Variants in SRGAP2 observed in about 807,000 individuals in gnomAD.
The protein encoded by SRGAP2 is SLIT-ROBO Rho GTPase-activating protein 2.
SRGAP2 carries 15 observed loss-of-function variants against 57.2 expected under a neutral mutation model. The observed-to-expected ratio is 0.26, with a 90% CI of 0.18 to 0.40. The LOEUF is 0.40. Ranked by LOEUF, SRGAP2 falls within the 10% of genes least tolerant of loss-of-function variation. The pLI, the probability that SRGAP2 is intolerant of heterozygous loss-of-function variation, is 1.00. For missense variants in SRGAP2, 520 were observed against 669.6 expected, an observed-to-expected ratio of 0.78 and a Z score of 2.47; for synonymous variants, 249 against 248.0, an observed-to-expected ratio of 1.00 and a Z score of -0.04.
At chr1:206,392,962 G>C in intron 6 of SRGAP2, 58 bp downstream of exon 6, 1 of 717,170 alleles carries the variant, frequency 1.4e-6, no homozygotes, top group Non-Finnish European at 2.6e-6. Flanking sequence ...AGGCATGGCT[G>C]ATAGGAATTT....
At chr1:206,313,103 C>A (rs1672787553) in intron 3 of SRGAP2, among the ~76,000 whole-genome samples, 1 of 147,824 alleles carries the variant, frequency 6.8e-6, no homozygotes, top group Admixed American at 6.8e-5. Flanking sequence ...ACATTTCTGT[C>A]CTGCTGTGTT....
intron 14 of SRGAP2, among the ~76,000 whole-genome samples, chr1:206,433,373 T>C (rs1368623643): frequency 6.6e-6 from 1 of 152,186 alleles, no homozygotes; most frequent in Admixed American, 6.5e-5. Context: ...GCATGGTGGC[T>C]CATGCCTGTA....
chr1:206,324,784 A>G (rs1673747341), intron 3 of SRGAP2, among the ~76,000 whole-genome samples: 1 of 152,190 alleles, frequency 6.6e-6, no homozygotes, highest in East Asian at 1.9e-4. Flanking sequence ...AAATAAGAGG[A>G]AAACAATCAT....
At chr1:206,355,036 A>G (rs1312024977) in intron 4 of SRGAP2, among the ~76,000 whole-genome samples, 1 of 152,190 alleles carries the variant, frequency 6.6e-6, no homozygotes, top group Non-Finnish European at 1.5e-5. Flanking sequence ...TCTCCTTTAC[A>G]TTTCAATAAA....
intron 2 of SRGAP2, among the ~76,000 whole-genome samples, chr1:206,227,904 G>A (rs1437469385): frequency 6.6e-6 from 1 of 152,030 alleles, no homozygotes; most frequent in Non-Finnish European, 1.5e-5. Flanking sequence ...ATCACTAAAA[G>A]TTTTCACTTA....
At chr1:206,437,119 A>C (rs1166350149) in intron 15 of SRGAP2, 77 bp downstream of exon 15, 5 of 766,532 alleles carry the variant, frequency 6.5e-6, no homozygotes, top group African/African-American at 1.7e-5. Context: ...TTCTTCTCTA[A>C]GAGGTCCCCA....
chr1:206,370,494 C>T (rs1326335140), intron 4 of SRGAP2, among the ~76,000 whole-genome samples: 2 of 152,080 alleles, frequency 1.3e-5, no homozygotes, highest in Non-Finnish European at 2.9e-5. Flanking sequence ...AGAAGCTAAA[C>T]ATAAAAGGCC....
At chr1:206,253,706 C>G (rs1160948214) in intron 2 of SRGAP2, among the ~76,000 whole-genome samples, 5 of 150,776 alleles carry the variant, frequency 3.3e-5, no homozygotes, top group African/African-American at 1.2e-4. Flanking sequence ...CTTCAGCTCC[C>G]GAGTAGCTGG....
At chr1:206,422,490 T>C (rs1392589126) in intron 13 of SRGAP2, among the ~76,000 whole-genome samples, 1 of 152,242 alleles carries the variant, frequency 6.6e-6, no homozygotes, top group Admixed American at 6.5e-5. Context: ...ATGGAGTGAC[T>C]CCTAGAGATA....
At chr1:206,204,813 T>C (rs1665737229) in intron 1 of SRGAP2, 2 of 125,416 alleles carry the variant, frequency 1.6e-5, no homozygotes, top group South Asian at 5.7e-4. Flanking sequence ...TTTTCCCGGC[T>C]CCGACCCTAT....
intron 5 of SRGAP2, among the ~76,000 whole-genome samples, chr1:206,389,884 T>C (rs1325657430): frequency 6.6e-6 from 1 of 151,334 alleles, no homozygotes; most frequent in Admixed American, 6.6e-5. Context: ...AGTATGTATA[T>C]GTATATCTTT....
At chr1:206,424,298 C>G (rs1302680200) in intron 13 of SRGAP2, among the ~76,000 whole-genome samples, 8 of 152,148 alleles carry the variant, frequency 5.3e-5, no homozygotes, top group Middle Eastern at 3.4e-3. Context: ...ATTAAGCTGA[C>G]AAGGATTTCT....
intron 10 of SRGAP2, among the ~76,000 whole-genome samples, chr1:206,411,102 C>T (rs1040913803): frequency 6.6e-6 from 1 of 152,220 alleles, no homozygotes; most frequent in African/African-American, 2.4e-5. Context: ...CCTCGTGATC[C>T]GCCCACCTTG....
At chr1:206,385,888 C>T (rs1656195741) in intron 5 of SRGAP2, among the ~76,000 whole-genome samples, 1 of 152,052 alleles carries the variant, frequency 6.6e-6, no homozygotes, top group Admixed American at 6.5e-5. Context: ...TGTGGTATCC[C>T]CTGCCATAAG....
At chr1:206,434,977 G>A (rs1661599199) in intron 14 of SRGAP2, among the ~76,000 whole-genome samples, 1 of 152,212 alleles carries the variant, frequency 6.6e-6, no homozygotes, top group Admixed American at 6.5e-5. Context: ...CAAAGCACTT[G>A]TTGTTTACAT....
At position 206,429,692 on chromosome 1, in the gene SRGAP2, T is replaced by G. The variant is rs565816382; in HGVS notation, c.1495-470T>G. Among the ~76,000 whole-genome samples, 15 of 152,310 alleles carry G rather than the reference T, an allele frequency of 9.8e-5. 1 individual carries two copies. The South Asian group carries it at 2.7e-3, about 27-fold the overall frequency. ...CGTGTAAGAGAGTAATGAGAGGTCT[T>G]TGAAAGAGTTTAAATAATGAAATGT... On this transcript the variant is annotated intron_variant, in intron 13 of 22. Coordinates refer to ENST00000573034, the MANE Select transcript of SRGAP2 (RefSeq NM_015326.5).
intron 21 of SRGAP2, among the ~76,000 whole-genome samples, chr1:206,456,868 G>A (rs1386135893): frequency 2.0e-5 from 3 of 152,136 alleles, no homozygotes; most frequent in Admixed American, 2.0e-4. Context: ...TCGCCCCTGG[G>A]CGCTCACGCC....
intron 11 of SRGAP2, among the ~76,000 whole-genome samples, chr1:206,417,103 CTTTT>C: frequency 7.5e-6 from 1 of 133,770 alleles, no homozygotes; most frequent in African/African-American, 2.9e-5. Flanking sequence ...CTAATGACTT[CTTTT>C]TTTTTTTTTT....
chr1:206,369,602 G>A (rs1553342241), intron 4 of SRGAP2, among the ~76,000 whole-genome samples: 1 of 152,196 alleles, frequency 6.6e-6, no homozygotes, highest in East Asian at 1.9e-4. Context: ...GACTTGAATA[G>A]GCATTTCTCC....
Sources: allele counts gnomAD v4.1 joint callset (sites outside exome capture counted in the v4.1 genomes callset), GRCh38; gene constraint gnomAD v4.1.1; transcripts MANE v1.5; gene names NCBI Gene and HGNC (gene_info 2026-07-23, HGNC 2026-07-21).